Variants in UBR3 observed in about 807,000 individuals in gnomAD.
UBR3 encodes ubiquitin protein ligase E3 component n-recognin 3.
Under a neutral mutation model 243.2 loss-of-function variants are expected in UBR3, and 85 were observed. The observed-to-expected ratio is 0.35, with a 90% CI of 0.29 to 0.42. The LOEUF is 0.42. Ranked by LOEUF, UBR3 falls within the 10% of genes least tolerant of loss-of-function variation. The probability of loss-of-function intolerance (pLI) is 1.00; values close to 1 mark genes in which losing one functional copy is unlikely to be tolerated. For synonymous variants in UBR3, 748 were observed against 799.8 expected, an observed-to-expected ratio of 0.94 and a Z score of 1.09; for missense variants, 1,686 against 2,300.8, an observed-to-expected ratio of 0.73 and a Z score of 5.47.
chr2:169,915,836 A>G (rs950208747), intron 11 of UBR3, among the ~76,000 whole-genome samples: 4 of 151,998 alleles, frequency 2.6e-5, no homozygotes, highest in African/African-American at 9.7e-5. Flanking sequence ...CATAGTTTCT[A>G]TTTTATTCAA....
At chr2:169,999,932 G>A (rs888023336) in intron 26 of UBR3, among the ~76,000 whole-genome samples, 2 of 152,088 alleles carry the variant, frequency 1.3e-5, no homozygotes, top group African/African-American at 4.8e-5. Context: ...TTCGAGACCA[G>A]CCTGACCAAC....
At chr2:170,045,852 G>A (rs906632551) in intron 32 of UBR3, among the ~76,000 whole-genome samples, 37 of 151,662 alleles carry the variant, frequency 2.4e-4, no homozygotes, top group African/African-American at 8.7e-4. Flanking sequence ...TAAAAGATAA[G>A]GATTCTTAAA....
intron 28 of UBR3, among the ~76,000 whole-genome samples, chr2:170,008,155 ATTCTTAAAATATTTC>A (rs1326894783): frequency 6.6e-6 from 1 of 152,140 alleles, no homozygotes; most frequent in Non-Finnish European, 1.5e-5. Flanking sequence ...TTTGGTCTAA[ATTCTTAAAATATTTC>A]ACCTTCATAA....
chr2:169,866,978 T>C (rs1357891957), intron 1 of UBR3, among the ~76,000 whole-genome samples: 1 of 152,238 alleles, frequency 6.6e-6, no homozygotes, highest in African/African-American at 2.4e-5. Context: ...GTTGTAACTT[T>C]CATTAGATTC....
rs1204828709 is a variant in UBR3, at chr2:169,906,020, A to C, written c.1646-11A>C. 1.3e-6 allele frequency: 2 copies of C among 1,548,318 alleles called. No individual in the cohort carries two copies. Among genetic ancestry groups the C allele is most frequent in the African/African-American group, 2.7e-5 (2 of 72,830 alleles). On this transcript the variant is annotated splice_polypyrimidine_tract_variant and intron_variant, in intron 9 of 38. Transcript: ENST00000272793. ...CTTGACAAGGTTTATATCTGCTTTAATTTTTGCCAGGTATGAACTTAAACA... is the reference window on the plus strand; with the variant it reads ...CTTGACAAGGTTTATATCTGCTTTACTTTTTGCCAGGTATGAACTTAAACA...
intron 1 of UBR3, among the ~76,000 whole-genome samples, chr2:169,867,844 G>T (rs1016182420): frequency 1.3e-5 from 2 of 152,022 alleles, no homozygotes; most frequent in East Asian, 3.8e-4. Flanking sequence ...TTTCCCTTTC[G>T]CAGAGTATTT....
chr2:169,937,996 C>T (rs756592272), intron 19 of UBR3, among the ~76,000 whole-genome samples: 14 of 152,144 alleles, frequency 9.2e-5, no homozygotes, highest in Non-Finnish European at 1.6e-4. Context: ...TGATTTTAAT[C>T]TCTCATCCTC....
At chr2:169,937,505 A>T (rs2086389666) in intron 19 of UBR3, among the ~76,000 whole-genome samples, 1 of 152,134 alleles carries the variant, frequency 6.6e-6, no homozygotes, top group Non-Finnish European at 1.5e-5. Context: ...GAAACTCTTT[A>T]GTTTGATTAG....
chr2:169,997,126 G>GC, intron 26 of UBR3, among the ~76,000 whole-genome samples: 1 of 151,976 alleles, frequency 6.6e-6, no homozygotes, highest in South Asian at 2.1e-4. Flanking sequence ...TTACTATTTA[G>GC]ACTTTATTTA....
At chr2:169,880,720 A>G (rs954363951) in intron 5 of UBR3, among the ~76,000 whole-genome samples, 3 of 152,050 alleles carry the variant, frequency 2.0e-5, no homozygotes, top group Middle Eastern at 3.4e-3. Context: ...ATTCATTACT[A>G]TTGCTTCTAA....
At chr2:169,836,871 C>G (rs1246602498) in intron 1 of UBR3, among the ~76,000 whole-genome samples, 2 of 152,112 alleles carry the variant, frequency 1.3e-5, no homozygotes, top group Non-Finnish European at 1.5e-5. Flanking sequence ...TGTACATACT[C>G]TAGATGCTGA....
At chr2:169,926,776 G>C (rs763708664) in intron 15 of UBR3, 32 bp downstream of exon 15, 1 of 1,544,956 alleles carries the variant, frequency 6.5e-7, no homozygotes, top group Non-Finnish European at 8.7e-7. Context: ...CAGGTATTAG[G>C]AAGTGTCCAG....
At chr2:169,835,998 TCTCTCTC>T (rs1558998196) in intron 1 of UBR3, among the ~76,000 whole-genome samples, 1,769 of 32,060 alleles carry the variant, frequency 0.055, 155 homozygotes, top group Middle Eastern at 0.12. Context: ...GCACTGTCTC[TCTCTCTC>T]TCTCTCTCTC....
chr2:169,828,585 CTG>C (rs144676693), intron 1 of UBR3, among the ~76,000 whole-genome samples: 136 of 151,852 alleles, frequency 9.0e-4, no homozygotes, highest in African/African-American at 3.0e-3. Flanking sequence ...GTGTCTGTCA[CTG>C]TGAGAGAAGG....
intron 2 of UBR3, among the ~76,000 whole-genome samples, chr2:169,874,994 A>C (rs1339004263): frequency 9.2e-6 from 1 of 109,094 alleles, no homozygotes; most frequent in Non-Finnish European, 2.4e-5. Flanking sequence ...GTTGTTGTCC[A>C]AGCTTTTCTT....
At chr2:169,881,724 T>TTATATTATATATTATATAATA (rs1184475898) in intron 5 of UBR3, among the ~76,000 whole-genome samples, 2 of 139,910 alleles carry the variant, frequency 1.4e-5, no homozygotes, top group Non-Finnish European at 3.1e-5. Flanking sequence ...ATATGTATAT[T>TTATATTATATATTATATAATA]TATATTATAT....
At chr2:169,973,418 T>G (rs981453055) in intron 24 of UBR3, among the ~76,000 whole-genome samples, 1 of 150,112 alleles carries the variant, frequency 6.7e-6, no homozygotes, top group African/African-American at 2.5e-5. Context: ...AAAACTACTT[T>G]AAAGTTCATA....
At chr2:169,958,614 AT>A in intron 24 of UBR3, 88 bp downstream of exon 24, 1 of 1,167,288 alleles carries the variant, frequency 8.6e-7, no homozygotes, top group Non-Finnish European at 1.2e-6. Flanking sequence ...AATTTAAAAC[AT>A]TACACACTTT....
intron 29 of UBR3, among the ~76,000 whole-genome samples, chr2:170,009,708 A>G (rs2090027752): frequency 6.6e-6 from 1 of 152,150 alleles, no homozygotes; most frequent in African/African-American, 2.4e-5. Flanking sequence ...TATTTTATCT[A>G]AGTAGTATTG....
Sources: gnomAD v4.1 joint callset for allele counts (sites outside exome capture counted in the v4.1 genomes callset) on GRCh38, gnomAD v4.1.1 for gene constraint, MANE v1.5 for transcripts, NCBI Gene and HGNC (gene_info 2026-07-23, HGNC 2026-07-21) for gene names.